TBC1D30: variants seen among roughly 807,000 people sequenced by gnomAD.
TBC1D30 encodes the protein TBC1 domain family member 30.
TBC1D30 carries 31 observed loss-of-function variants against 63.2 expected under a neutral mutation model. That is an observed-to-expected ratio of 0.49 (90% confidence interval 0.37 to 0.66). TBC1D30 has a LOEUF of 0.66. Among genes scored for constraint, TBC1D30 ranks in the 30% least tolerant of loss-of-function variants. The pLI, the probability that TBC1D30 is intolerant of heterozygous loss-of-function variation, is 0.00. For synonymous variants in TBC1D30, 307 were observed against 361.5 expected, an observed-to-expected ratio of 0.85 and a Z score of 1.71; for missense variants, 810 against 953.6, an observed-to-expected ratio of 0.85 and a Z score of 1.98.
chr12:64,809,424 T>G (rs527809419), intron 2 of TBC1D30, among the ~76,000 whole-genome samples: 1 of 152,352 alleles, frequency 6.6e-6, no homozygotes, highest in Non-Finnish European at 1.5e-5. Context: ...GCAAATGCCA[T>G]TATTTCATTC....
chr12:64,792,191 G>A (rs949509326), intron 2 of TBC1D30, among the ~76,000 whole-genome samples: 65 of 152,280 alleles, frequency 4.3e-4, no homozygotes, highest in African/African-American at 1.5e-3. Context: ...AAACAAAGGT[G>A]TATACATGTG....
chr12:64,857,001 C>A (rs562460699), intron 8 of TBC1D30, among the ~76,000 whole-genome samples: 96 of 152,200 alleles, frequency 6.3e-4, no homozygotes, highest in African/African-American at 2.1e-3. Context: ...GTGGGCTCCC[C>A]ACTGCCCCAG....
chr12:64,806,982 G>C (rs1872908325), intron 2 of TBC1D30, among the ~76,000 whole-genome samples: 1 of 152,196 alleles, frequency 6.6e-6, no homozygotes, highest in South Asian at 2.1e-4. Context: ...GCAGTAGTCA[G>C]ATTCATAGAG....
intron 8 of TBC1D30, among the ~76,000 whole-genome samples, 152 bp downstream of exon 8, chr12:64,843,637 A>T (rs561820708): frequency 6.6e-6 from 1 of 152,364 alleles, no homozygotes; most frequent in East Asian, 1.9e-4. Flanking sequence ...ATTTGATAAG[A>T]ATCTATGTCA....
chr12:64,860,280 G>C (rs1013333149), intron 8 of TBC1D30, among the ~76,000 whole-genome samples: 3 of 152,042 alleles, frequency 2.0e-5, no homozygotes, highest in African/African-American at 7.2e-5. Flanking sequence ...AGCCCTGAAA[G>C]TAGCTGGGAC....
intron 7 of TBC1D30, 148 bp downstream of exon 7, chr12:64,838,999 C>T: frequency 1.3e-6 from 1 of 761,434 alleles, no homozygotes; most frequent in Non-Finnish European, 2.1e-6. Context: ...TCAGCAGGCT[C>T]ATTGCTGGCA....
intron 2 of TBC1D30, among the ~76,000 whole-genome samples, chr12:64,796,112 C>T (rs1232807950): frequency 5.4e-5 from 8 of 147,172 alleles, no homozygotes; most frequent in African/African-American, 1.8e-4. Flanking sequence ...TCCTCATTTT[C>T]TTTAAGCTCT....
At chr12:64,773,752 A>ATCAAGC in intron 1 of TBC1D30, among the ~76,000 whole-genome samples, 1 of 152,346 alleles carries the variant, frequency 6.6e-6, no homozygotes, top group South Asian at 2.1e-4. Flanking sequence ...CAGAAAAGTG[A>ATCAAGC]TCAAGCTGTT....
In TBC1D30 at chr12:64,843,309, C is replaced by A. The variant is rs985372161; in HGVS notation, c.933-71C>A. On this transcript the variant is annotated intron_variant, in intron 7 of 11. Coordinates refer to ENST00000539867, the MANE Select transcript of TBC1D30 (RefSeq NM_015279.2). ...CATGCCCAGTCCAACATATCTTATA[C>A]CTGCAGCATGTACTGTTACACAGCA... is the stretch of plus-strand genomic sequence containing the variant. 19 of 1,312,570 alleles carry A rather than the reference C, an allele frequency of 1.4e-5. No homozygotes were observed. The African/African-American group carries it at 2.0e-4, about 14-fold the overall frequency. The allele number at this position is 1,312,570 out of a possible 1,614,324, so 81.3% of individuals were successfully genotyped here.
At chr12:64,827,795 G>C (rs775095964) in intron 1 of TBC1D30, 40 bp from the exon 2 acceptor site, 65 of 1,347,688 alleles carry the variant, frequency 4.8e-5, no homozygotes, top group Non-Finnish European at 6.5e-5. Context: ...ACTTGTTATA[G>C]TCTCCAAAAA....
At chr12:64,872,955 C>G (rs1444060151) in intron 11 of TBC1D30, among the ~76,000 whole-genome samples, 1 of 152,138 alleles carries the variant, frequency 6.6e-6, no homozygotes, top group Non-Finnish European at 1.5e-5. Flanking sequence ...CTGGGTCCCT[C>G]CTACAACACG....
intron 8 of TBC1D30, among the ~76,000 whole-genome samples, chr12:64,848,937 T>C (rs183569530): frequency 3.9e-5 from 6 of 152,336 alleles, no homozygotes; most frequent in Non-Finnish European, 2.9e-5. Flanking sequence ...CCAGCATCTG[T>C]TGTTTCCTGA....
intron 8 of TBC1D30, among the ~76,000 whole-genome samples, chr12:64,851,105 T>A (rs1267959209): frequency 6.6e-6 from 1 of 152,222 alleles, no homozygotes; most frequent in African/African-American, 2.4e-5. Context: ...TTCTGCGGGA[T>A]CAGTGATGAT....
chr12:64,773,933 C>A (rs1448620827), intron 1 of TBC1D30, among the ~76,000 whole-genome samples: 1 of 152,136 alleles, frequency 6.6e-6, no homozygotes, highest in Non-Finnish European at 1.5e-5. Context: ...TGGAACCAGG[C>A]CAAGGCTGTG....
intron 1 of TBC1D30, among the ~76,000 whole-genome samples, chr12:64,827,527 C>T (rs1034491387): frequency 9.2e-5 from 14 of 152,114 alleles, no homozygotes; most frequent in African/African-American, 3.1e-4. Context: ...GGAACCAAGT[C>T]GAATGGAGGA....
chr12:64,850,952 G>C (rs755785623), intron 8 of TBC1D30, among the ~76,000 whole-genome samples: 1 of 152,114 alleles, frequency 6.6e-6, no homozygotes, highest in Non-Finnish European at 1.5e-5. Flanking sequence ...TTCAGAACTT[G>C]TTATTGGTCT....
chr12:64,774,997 G>T (rs1166177349), intron 1 of TBC1D30, among the ~76,000 whole-genome samples: 1 of 151,950 alleles, frequency 6.6e-6, no homozygotes, highest in Non-Finnish European at 1.5e-5. Flanking sequence ...GGAGGCTGAG[G>T]CATGAGAATT....
At position 64,880,718 on chromosome 12, in the gene TBC1D30, C is replaced by G. The variant is rs973789622; in HGVS notation, c.*4930C>G. 1 of 152,234 alleles carries G rather than the reference C, an allele frequency of 6.6e-6. No individual in the cohort carries two copies. 9.4% of individuals were successfully genotyped at this position (152,234 alleles called of 1,614,324 possible). ...AAAGTGTCACTTGATTCCATTCTCTCCATCCCTTCCATCCCAGGCAATCTT... is the reference window on the plus strand; with the variant it reads ...AAAGTGTCACTTGATTCCATTCTCTGCATCCCTTCCATCCCAGGCAATCTT... On this transcript the variant is annotated 3_prime_UTR_variant, in exon 12 of 12. Transcript: ENST00000539867.
At chr12:64,770,151 T>G (rs1870852971) in intron 1 of TBC1D30, among the ~76,000 whole-genome samples, 1 of 152,254 alleles carries the variant, frequency 6.6e-6, no homozygotes, top group Non-Finnish European at 1.5e-5. Flanking sequence ...TGTGAACATC[T>G]TTATATTTCT....
Sources: allele counts gnomAD v4.1 joint callset (sites outside exome capture counted in the v4.1 genomes callset), GRCh38; gene constraint gnomAD v4.1.1; transcripts MANE v1.5; gene names NCBI Gene and HGNC (gene_info 2026-07-23, HGNC 2026-07-21).